CDK14: variants seen among roughly 807,000 people sequenced by gnomAD.
CDK14 encodes the protein cyclin-dependent kinase 14.
CDK14 carries 34 observed loss-of-function variants against 60.7 expected under a neutral mutation model. That is an observed-to-expected ratio of 0.56 (90% CI 0.43 to 0.75). The LOEUF (loss-of-function observed/expected upper bound fraction) is 0.75, where lower values mean the gene tolerates loss of function less well. Among genes scored for constraint, CDK14 ranks in the 30% least tolerant of loss-of-function variants. The pLI is 0.00. For missense variants in CDK14, 482 were observed against 564.1 expected (o/e 0.85, Z 1.47); for synonymous variants, 197 against 203.7 (o/e 0.97, Z 0.28).
rs34902431 is a variant in CDK14, at chr7:90,786,926, C to CAA, written c.465-3629_465-3628dup. Among the ~76,000 whole-genome samples, 275 of 87,700 alleles carry CAA rather than the reference C, an allele frequency of 3.1e-3. 4 individuals carry two copies. The highest frequency in any genetic ancestry group is 4.3e-3 in the Non-Finnish European group (195 of 45,236). 57.5% of individuals were successfully genotyped at this position (87,700 alleles called of 152,430 possible). On this transcript the variant is annotated intron_variant, in intron 4 of 14. Coordinates refer to ENST00000380050, the MANE Select transcript of CDK14 (RefSeq NM_001287135.2). The stretch of plus-strand genomic sequence containing the variant: ...GGACAACAGAGTGAGACCCTGTCTC[C>CAA]AAAAAAAAAAAAAAAAAAAGGTTTA...
At chr7:90,795,370 G>A (rs11974135) in intron 5 of CDK14, among the ~76,000 whole-genome samples, 23,526 of 151,428 alleles carry the variant, frequency 0.16, 1,929 homozygotes, top group Middle Eastern at 0.25. Flanking sequence ...AGTGTGTTCC[G>A]GTATAGTTGT....
At chr7:91,033,896 A>G (rs183055491) in intron 10 of CDK14, among the ~76,000 whole-genome samples, 2 of 152,328 alleles carry the variant, frequency 1.3e-5, no homozygotes, top group South Asian at 2.1e-4. Context: ...AGTGAAATCC[A>G]TAAGGGAATC....
intron 10 of CDK14, among the ~76,000 whole-genome samples, chr7:90,999,873 C>A (rs574683447): frequency 4.6e-5 from 7 of 152,024 alleles, no homozygotes; most frequent in African/African-American, 9.7e-5. Context: ...AGGTATTTTG[C>A]GGTTTACAAA....
chr7:90,800,655 A>G (rs891437800), intron 5 of CDK14, among the ~76,000 whole-genome samples: 1 of 152,172 alleles, frequency 6.6e-6, no homozygotes, highest in Non-Finnish European at 1.5e-5. Flanking sequence ...TTATAATTCA[A>G]TTGATAATTA....
At chr7:90,871,918 A>G (rs1214745444) in intron 6 of CDK14, among the ~76,000 whole-genome samples, 2 of 152,220 alleles carry the variant, frequency 1.3e-5, no homozygotes, top group Non-Finnish European at 2.9e-5. Flanking sequence ...TACAATTGGC[A>G]TATATAAGTG....
intron 11 of CDK14, among the ~76,000 whole-genome samples, chr7:91,056,622 T>C (rs902450774): frequency 3.4e-5 from 5 of 146,884 alleles, no homozygotes; most frequent in African/African-American, 1.2e-4. Flanking sequence ...TGTGTTCTCA[T>C]TGTTCAATTC....
chr7:91,046,328 T>C lies in CDK14; in HGVS notation c.1105+368T>C, dbSNP rs549201472. Among the ~76,000 whole-genome samples, 4 of 152,274 alleles carry C rather than the reference T, an allele frequency of 2.6e-5. No homozygotes were observed. In the South Asian group the frequency reaches 8.3e-4, roughly 32 times the overall value. The stretch of plus-strand genomic sequence containing the variant: ...GTAAGTGACCAGGAAAAGTATTAAA[T>C]TGTAAAAAGGAAAAATCATATTTTT... On this transcript the variant is annotated intron_variant, in intron 11 of 14. Coordinates refer to ENST00000380050, the MANE Select transcript of CDK14 (RefSeq NM_001287135.2).
intron 2 of CDK14, among the ~76,000 whole-genome samples, chr7:90,706,854 G>T (rs1801907284): frequency 6.6e-6 from 1 of 152,126 alleles, no homozygotes; most frequent in African/African-American, 2.4e-5. Flanking sequence ...TCCCGTCCAG[G>T]TCTCAGTCAG....
chr7:90,622,585 T>A (rs1036701931), intron 2 of CDK14, among the ~76,000 whole-genome samples: 1 of 152,198 alleles, frequency 6.6e-6, no homozygotes, highest in East Asian at 1.9e-4. Context: ...TTAAAAGCAT[T>A]TGAGATTGCA....
At chr7:91,025,592 A>G (rs758702239) in intron 10 of CDK14, among the ~76,000 whole-genome samples, 3 of 152,178 alleles carry the variant, frequency 2.0e-5, no homozygotes, top group Admixed American at 6.5e-5. Context: ...CCTTGATCAT[A>G]TGGTTGCTGC....
chr7:91,018,450 A>C lies in CDK14; in HGVS notation c.1042-27447A>C, dbSNP rs1182063475. ...CTGATGAGGGCCCTCTTTCTCACAC[A>C]AAAAAATTAATAAATAAAAAATATC... is the stretch of plus-strand genomic sequence containing the variant. On this transcript the variant is annotated intron_variant, in intron 10 of 14. Transcript: ENST00000380050. Among the ~76,000 whole-genome samples the C allele has an allele frequency of 2.0e-5, 3 of 148,782 alleles. No individual in the cohort carries two copies. In the East Asian group the frequency reaches 5.8e-4, roughly 29 times the overall value.
intron 6 of CDK14, among the ~76,000 whole-genome samples, chr7:90,890,782 G>C (rs3802038): frequency 6.6e-6 from 1 of 152,110 alleles, no homozygotes; most frequent in Non-Finnish European, 1.5e-5. Context: ...ATTGATTGCT[G>C]TAGAAGAAAG....
chr7:91,181,234 A>C (rs2724351), intron 14 of CDK14, among the ~76,000 whole-genome samples: 54,483 of 151,798 alleles, frequency 0.36, 11,491 homozygotes, highest in Non-Finnish European at 0.49. Context: ...CTTTCCCTCT[A>C]TTCACCTTTC....
chr7:91,017,312 A>G (rs1394159599), intron 10 of CDK14, among the ~76,000 whole-genome samples: 1 of 152,224 alleles, frequency 6.6e-6, no homozygotes, highest in Non-Finnish European at 1.5e-5. Flanking sequence ...GATGGACATG[A>G]TACAATATCC....
chr7:91,040,240 T>C (rs1797051382), intron 10 of CDK14, among the ~76,000 whole-genome samples: 1 of 152,152 alleles, frequency 6.6e-6, no homozygotes, highest in African/African-American at 2.4e-5. Context: ...CACCTGATTA[T>C]CGTTTTTCCA....
At chr7:90,872,081 A>G (rs1032007145) in intron 6 of CDK14, among the ~76,000 whole-genome samples, 1 of 152,204 alleles carries the variant, frequency 6.6e-6, no homozygotes, top group Non-Finnish European at 1.5e-5. Flanking sequence ...CTAGAGATAC[A>G]AATATATAGA....
chr7:90,749,189 T>C (rs1054318254), intron 4 of CDK14, among the ~76,000 whole-genome samples: 2 of 152,150 alleles, frequency 1.3e-5, no homozygotes, highest in African/African-American at 4.8e-5. Flanking sequence ...CCCTCTTCAT[T>C]CCACACCCGG....
chr7:91,117,082 A>G (rs1471291383), intron 13 of CDK14, among the ~76,000 whole-genome samples: 1 of 144,804 alleles, frequency 6.9e-6, no homozygotes, highest in East Asian at 2.0e-4. Context: ...CCATTTGACC[A>G]TCTAGTAGGC....
intron 6 of CDK14, among the ~76,000 whole-genome samples, chr7:90,892,653 G>C (rs894765604): frequency 6.6e-6 from 1 of 152,166 alleles, no homozygotes; most frequent in Admixed American, 6.5e-5. Flanking sequence ...CACCTCAAGA[G>C]GGTTATGATT....
Sources: allele counts gnomAD v4.1 joint callset (sites outside exome capture counted in the v4.1 genomes callset), GRCh38; gene constraint gnomAD v4.1.1; transcripts MANE v1.5; gene names NCBI Gene and HGNC (gene_info 2026-07-23, HGNC 2026-07-21).